The following PRUNE2 variants were observed in gnomAD, a reference collection of about 807,000 sequenced individuals.
The protein encoded by PRUNE2 is protein prune homolog 2.
In PRUNE2, 164 loss-of-function variants were observed where a neutral mutation model predicts 252.0. The observed-to-expected ratio is 0.65, with a 90% CI of 0.57 to 0.74. The LOEUF is 0.74. Among genes scored for constraint, PRUNE2 ranks in the 30% least tolerant of loss-of-function variants. PRUNE2 has a pLI of 0.00. For synonymous variants in PRUNE2, 1,292 were observed against 1,350.2 expected (o/e 0.96, Z 0.94); for missense variants, 3,495 against 3,711.0 (o/e 0.94, Z 1.51).
intron 6 of PRUNE2, among the ~76,000 whole-genome samples, chr9:76,774,468 T>TATTTATTTA (rs1564272983): frequency 2.8e-5 from 4 of 144,530 alleles, no homozygotes; most frequent in African/African-American, 1.0e-4. Flanking sequence ...TTTTTTTTTT[T>TATTTATTTA]TTTTTTTTTG....
intron 1 of PRUNE2, among the ~76,000 whole-genome samples, chr9:76,892,009 G>C (rs943871594): frequency 3.9e-5 from 6 of 152,020 alleles, no homozygotes; most frequent in Admixed American, 1.3e-4. Flanking sequence ...GTTCCATAAG[G>C]CTCAATCTTT....
intron 6 of PRUNE2, among the ~76,000 whole-genome samples, chr9:76,764,215 A>G (rs1025669930): frequency 2.7e-5 from 4 of 150,436 alleles, no homozygotes; most frequent in Non-Finnish European, 5.9e-5. Flanking sequence ...ATTTCAGTGC[A>G]TGGAGGCAGA....
chr9:76,710,743 GAGA>G lies in PRUNE2; in HGVS notation c.1528_1530del (p.Ser510del). The G allele has an allele frequency of 6.2e-7, 1 of 1,612,106 alleles. No homozygotes were observed. Among genetic ancestry groups the G allele is most frequent in the Non-Finnish European group, 8.5e-7 (1 of 1,179,090 alleles). On this transcript the variant is annotated inframe_deletion, in exon 8 of 19. Coordinates refer to ENST00000376718, the MANE Select transcript of PRUNE2 (RefSeq NM_015225.3). ...TCTGCTGGGGAGTAGTCTGCAGAAT[GAGA>G]AGATTGCTGGGACTGCCCAGAAGCC...
intron 6 of PRUNE2, among the ~76,000 whole-genome samples, chr9:76,760,222 C>T (rs2051570776): frequency 6.6e-6 from 1 of 152,136 alleles, no homozygotes; most frequent in Non-Finnish European, 1.5e-5. Context: ...ACACAGCAGG[C>T]ACTCCGTATA....
intron 6 of PRUNE2, among the ~76,000 whole-genome samples, chr9:76,794,423 T>C (rs1363003530): frequency 6.6e-6 from 1 of 151,978 alleles, no homozygotes; most frequent in Non-Finnish European, 1.5e-5. Flanking sequence ...GAGGTCATCC[T>C]GGCCAACACA....
Position 76,776,518 on chromosome 9 carries a change from CT to C in PRUNE2, c.756+47113del, listed in dbSNP as rs796197139. ...CATTTTCTTTTTTTTTTTCTTTTTT[CT>C]TTTTTTTTTTTTTTTGAGATGAGTC... On this transcript the variant is annotated intron_variant, in intron 6 of 18. Transcript: ENST00000376718. Among the ~76,000 whole-genome samples, 820 of 122,786 alleles carry C rather than the reference CT, an allele frequency of 6.7e-3. 3 individuals are homozygous for C. The highest frequency in any genetic ancestry group is 0.018 in the African/African-American group (604 of 32,892). 80.6% of individuals were successfully genotyped at this position (122,786 alleles called of 152,430 possible). A position where few individuals can be genotyped will look rare whatever the true frequency, so the allele number is the denominator to read the frequency against.
rs765062241 is a variant in PRUNE2 at position 76,706,884 on chromosome 9, TCTC to T, written c.5387_5389del (p.Gly1796del). ...TTTGGGAGATATTTGCCATGCAACA[TCTC>T]CTGTTGTCCCTGTTTCTGGAGAAGA... On this transcript the variant is annotated inframe_deletion, in exon 8 of 19. Coordinates refer to ENST00000376718, the MANE Select transcript of PRUNE2 (RefSeq NM_015225.3). The T allele has an allele frequency of 6.3e-7, 1 of 1,595,096 alleles. No homozygotes were observed. The highest frequency in any genetic ancestry group is 1.3e-5 in the African/African-American group (1 of 74,236).
intron 6 of PRUNE2, among the ~76,000 whole-genome samples, chr9:76,803,257 T>C (rs1206870172): frequency 2.6e-5 from 4 of 152,196 alleles, no homozygotes; most frequent in Non-Finnish European, 5.9e-5. Flanking sequence ...AACTAAACCT[T>C]CTAACAGAAG....
chr9:76,852,822 A>ATCTATCTG (rs1554809866), intron 2 of PRUNE2, among the ~76,000 whole-genome samples: 1 of 38,820 alleles, frequency 2.6e-5, no homozygotes, highest in African/African-American at 3.1e-4. Context: ...CTATCTATCT[A>ATCTATCTG]TCTATCTATC....
chr9:76,881,691 G>T, intron 1 of PRUNE2, among the ~76,000 whole-genome samples: 1 of 151,178 alleles, frequency 6.6e-6, no homozygotes, highest in Admixed American at 6.6e-5. Flanking sequence ...GCACGATCTT[G>T]GCTCACTGCA....
At chr9:76,675,945 C>T (rs1323697459) in intron 9 of PRUNE2, among the ~76,000 whole-genome samples, 3 of 143,360 alleles carry the variant, frequency 2.1e-5, no homozygotes, top group South Asian at 2.3e-4. Flanking sequence ...GGGATATCAT[C>T]GGGAGATATA....
At chr9:76,624,329 A>G (rs1833743692) in intron 17 of PRUNE2, 123 bp downstream of exon 17, 1 of 551,802 alleles carries the variant, frequency 1.8e-6, no homozygotes, top group Non-Finnish European at 3.0e-6. Flanking sequence ...GGAGAAAGAG[A>G]ATTTCTAAAG....
chr9:76,824,621 T>A (rs948230294), intron 5 of PRUNE2, among the ~76,000 whole-genome samples: 2 of 152,156 alleles, frequency 1.3e-5, no homozygotes, highest in South Asian at 4.1e-4. Flanking sequence ...CAGCAAAGGA[T>A]CTGGCTCGAC....
At chr9:76,897,441 G>T (rs773790960) in intron 1 of PRUNE2, among the ~76,000 whole-genome samples, 2 of 107,852 alleles carry the variant, frequency 1.9e-5, no homozygotes, top group Admixed American at 1.5e-4. Flanking sequence ...ATGGAGTCTC[G>T]CTCTGTCATC....
chr9:76,618,577 G>A lies in PRUNE2; in HGVS notation c.9236+763C>T, dbSNP rs111341515. ...TCTGTTCTCTTAGGTGAATAGTTTT[G>A]TCTTTCATTAAATTGGAAGTGGTAC... On this transcript the variant is annotated intron_variant, in intron 18 of 18. Coordinates refer to ENST00000376718, the MANE Select transcript of PRUNE2 (RefSeq NM_015225.3). Among the ~76,000 whole-genome samples, 541 of 152,250 alleles carry A rather than the reference G, an allele frequency of 3.6e-3. 2 individuals carry two copies. The highest frequency in any genetic ancestry group is 0.012 in the African/African-American group (514 of 41,548).
intron 10 of PRUNE2, among the ~76,000 whole-genome samples, chr9:76,654,072 T>C (rs1055039036): frequency 6.6e-6 from 1 of 152,170 alleles, no homozygotes; most frequent in African/African-American, 2.4e-5. Flanking sequence ...AATTGAATTA[T>C]AGGACACCCA....
At chr9:76,698,820 A>G (rs751885617) in intron 9 of PRUNE2, among the ~76,000 whole-genome samples, 1 of 152,236 alleles carries the variant, frequency 6.6e-6, no homozygotes, top group Non-Finnish European at 1.5e-5. Context: ...AAAAAAGGTG[A>G]AAATTACTAA....
Position 76,706,856 on chromosome 9 carries a change from A to T in PRUNE2, c.5418T>A (p.Ala1806=). 1 of 1,593,694 alleles carries T rather than the reference A, an allele frequency of 6.3e-7. No homozygotes were observed. The highest frequency in any genetic ancestry group is 8.5e-7 in the Non-Finnish European group (1 of 1,170,252). The change falls in exon 8 of 19, where the codon GCT becomes GCA. Residue 1806 remains alanine, a synonymous_variant. Transcript: ENST00000376718. ...GDVAWQISPK[A]SFPKNEDNSQ... ...AATTATCTTCGTTCTTTGGGAACGA[A>T]GCTTTGGGAGATATTTGCCATGCAA...
At chr9:76,900,379 T>C (rs2154044) in intron 1 of PRUNE2, among the ~76,000 whole-genome samples, 67,686 of 151,992 alleles carry the variant, frequency 0.45, 15,820 homozygotes, top group African/African-American at 0.56. Flanking sequence ...TAGAGCCCAC[T>C]AGTCTCATAA....
Sources: gnomAD v4.1 joint callset for allele counts (sites outside exome capture counted in the v4.1 genomes callset) on GRCh38, gnomAD v4.1.1 for gene constraint, MANE v1.5 for transcripts, NCBI Gene and HGNC (gene_info 2026-07-23, HGNC 2026-07-21) for gene names.